MIAT: variants seen among roughly 807,000 people sequenced by gnomAD.
The protein encoded by MIAT is myocardial infarction associated transcript, also known as MI related novel mRNA.
At chr22:26,668,898 A>C in exon 6 of MIAT, 1 of 398,634 alleles carries the variant, frequency 2.5e-6, no homozygotes, top group Non-Finnish European at 4.4e-6. Flanking sequence ...TCCTGAAAAG[A>C]GAGGGTCTTT....
At chr22:26,653,483 A>C (rs929442667) in intron 2 of MIAT, among the ~76,000 whole-genome samples, 2 of 152,068 alleles carry the variant, frequency 1.3e-5, no homozygotes, top group Non-Finnish European at 1.5e-5. Flanking sequence ...TAACTAACTC[A>C]ATTTTTGTTT....
intron 2 of MIAT, chr22:26,660,638 C>T (rs1930631267): frequency 6.6e-6 from 1 of 152,072 alleles, no homozygotes; most frequent in Admixed American, 6.5e-5. Context: ...TCGTCAGTTC[C>T]CTATTGTTGG....
downstream of MIAT, chr22:26,670,464 G>A (rs756791706): frequency 2.3e-5 from 9 of 398,454 alleles, no homozygotes; most frequent in Non-Finnish European, 3.5e-5. Context: ...ACCCCAGAGA[G>A]GGCTGCTGCA....
At chr22:26,659,840 C>CTTTTTTT (rs1189391284) in intron 2 of MIAT, among the ~76,000 whole-genome samples, 2 of 94,968 alleles carry the variant, frequency 2.1e-5, no homozygotes, top group South Asian at 3.6e-4. Context: ...TTCTTTCTTT[C>CTTTTTTT]TTTTTTTTTT....
intron 2 of MIAT, among the ~76,000 whole-genome samples, chr22:26,661,961 T>TATATATACAC (rs1336346956): frequency 6.8e-5 from 3 of 44,004 alleles, no homozygotes; most frequent in Non-Finnish European, 1.4e-4. Context: ...TATATATATA[T>TATATATACAC]ACACACACAC....
exon 5 of MIAT, chr22:26,675,061 G>A (rs1177164088): frequency 3.0e-5 from 12 of 398,726 alleles, no homozygotes; most frequent in Non-Finnish European, 5.3e-5. Context: ...TGGGGATGTA[G>A]TGGTAGTTAA....
chr22:26,657,173 T>G (rs1398109567), intron 2 of MIAT: 1 of 225,344 alleles, frequency 4.4e-6, no homozygotes, highest in Non-Finnish European at 8.6e-6. Context: ...CCCGCGCCTC[T>G]CCAGCCCTGA....
Position 26,665,404 on chromosome 22 carries a change from T to A in MIAT, n.730-127T>A, listed in dbSNP as rs1930811271. The A allele has an allele frequency of 5.5e-5, 22 of 398,428 alleles. No individual in the cohort carries two copies. In the East Asian group the frequency reaches 7.8e-4, roughly 14 times the overall value. The allele number at this position is 398,428 out of a possible 1,614,324, so 24.7% of individuals were successfully genotyped here. A position where few individuals can be genotyped will look rare whatever the true frequency, so the allele number is the denominator to read the frequency against. The stretch of plus-strand genomic sequence containing the variant: ...TTCCTTTGTACCCTCTAAGACGGTG[T>A]CAGCTAAAGGTCCCTTGAAACCTCC... On this transcript the variant is annotated intron_variant and non_coding_transcript_variant, in intron 3 of 5. Coordinates refer to ENST00000643270, the Ensembl canonical transcript of MIAT.
downstream of MIAT, chr22:26,672,426 T>C (rs763807052): frequency 2.5e-4 from 100 of 399,330 alleles, no homozygotes; most frequent in Non-Finnish European, 3.9e-4. Context: ...GAGGTGGTCC[T>C]GTGGATGTGG....
At chr22:26,665,247 A>AAAAGCAAGAAAGAAAGAAAGAAAGAAAG in intron 3 of MIAT, among the ~76,000 whole-genome samples, 1 of 144,156 alleles carries the variant, frequency 6.9e-6, no homozygotes, top group Non-Finnish European at 1.5e-5. Context: ...TCTCCAGAAA[A>AAAAGCAAGAAAGAAAGAAAGAAAGAAAG]AAAGAAAGAA....
exon 5 of MIAT, chr22:26,676,185 G>T: frequency 2.5e-6 from 1 of 394,614 alleles, no homozygotes; most frequent in South Asian, 1.3e-4. Flanking sequence ...ATGTTGAGCT[G>T]GGGGGATGCT....
chr22:26,669,959 A>G, downstream of MIAT: 2 of 398,610 alleles, frequency 5.0e-6, no homozygotes, highest in Non-Finnish European at 8.8e-6. Context: ...TGCAGGGAGA[A>G]TTCAGTGAGA....
At chr22:26,649,156 T>C (rs1409782575) in intron 2 of MIAT, among the ~76,000 whole-genome samples, 1 of 152,176 alleles carries the variant, frequency 6.6e-6, no homozygotes, top group Non-Finnish European at 1.5e-5. Context: ...CTTAGTTCTT[T>C]CAAAAGCCCT....
chr22:26,673,356 G>A, downstream of MIAT: 1 of 398,946 alleles, frequency 2.5e-6, no homozygotes. Context: ...TGGCTCCCTT[G>A]CGCTAACTCT....
chr22:26,672,581 G>A (rs1931088878), downstream of MIAT: 1 of 399,038 alleles, frequency 2.5e-6, no homozygotes, highest in Admixed American at 4.4e-5. Flanking sequence ...GAGCTTTTGT[G>A]TCCTCTGGAA....
At chr22:26,663,763 G>A (rs376968474) in intron 3 of MIAT, among the ~76,000 whole-genome samples, 5 of 152,078 alleles carry the variant, frequency 3.3e-5, no homozygotes, top group African/African-American at 9.7e-5. Flanking sequence ...AAATGCACCC[G>A]TTTAAAGCAC....
exon 5 of MIAT, chr22:26,667,266 A>G (rs1419088257): frequency 7.5e-6 from 3 of 398,510 alleles, no homozygotes; most frequent in Non-Finnish European, 1.3e-5. Context: ...CCATCTGCTC[A>G]GATCTTCATG....
At chr22:26,661,941 TATATATATATATATATATATACAC>T (rs1569220558) in intron 2 of MIAT, among the ~76,000 whole-genome samples, 1 of 85,142 alleles carries the variant, frequency 1.2e-5, no homozygotes, top group African/African-American at 4.0e-5. Context: ...TATATATATA[TATATATATATATATATATATACAC>T]ACACACACAT....
intron 2 of MIAT, chr22:26,660,572 C>T (rs1156604731): frequency 6.6e-6 from 1 of 151,902 alleles, no homozygotes; most frequent in African/African-American, 2.4e-5. Flanking sequence ...ACGACCTTTG[C>T]AGAAATCATT....
Sources: gnomAD v4.1 joint callset for allele counts (sites outside exome capture counted in the v4.1 genomes callset) on GRCh38, gnomAD v4.1.1 for gene constraint, MANE v1.5 for transcripts, NCBI Gene and HGNC (gene_info 2026-07-23, HGNC 2026-07-21) for gene names.